PCDH15: variants seen among roughly 807,000 people sequenced by gnomAD.
PCDH15 encodes the protein protocadherin related 15, also known as protocadherin-15.
Under a neutral mutation model 178.5 loss-of-function variants are expected in PCDH15, and 129 were observed. The observed-to-expected ratio is 0.72, with a 90% CI of 0.63 to 0.84. PCDH15 has a LOEUF of 0.84. PCDH15 is among the 40% of genes least tolerant of loss of function. The pLI is 0.00. For synonymous variants in PCDH15, 800 were observed against 732.0 expected, an observed-to-expected ratio of 1.09 and a Z score of -1.50; for missense variants, 2,230 against 2,099.9, an observed-to-expected ratio of 1.06 and a Z score of -1.21.
At chr10:53,871,657 G>GT (rs2079866707) in intron 26 of PCDH15, among the ~76,000 whole-genome samples, 1 of 151,972 alleles carries the variant, frequency 6.6e-6, no homozygotes, top group African/African-American at 2.4e-5. Context: ...TCACACAATT[G>GT]TAACTCCCTT....
intron 2 of PCDH15, among the ~76,000 whole-genome samples, chr10:55,158,371 G>T (rs1332190213): frequency 6.6e-6 from 1 of 152,006 alleles, no homozygotes; most frequent in African/African-American, 2.4e-5. Flanking sequence ...AGTGGTAGGT[G>T]GGGGTGATGG....
intron 2 of PCDH15, among the ~76,000 whole-genome samples, chr10:54,925,203 C>T (rs929644000): frequency 1.3e-5 from 2 of 151,956 alleles, no homozygotes; most frequent in African/African-American, 4.8e-5. Flanking sequence ...AATAAAAAAT[C>T]CTTTCCTTGT....
At chr10:54,989,221 G>A (rs1839445354) in intron 2 of PCDH15, among the ~76,000 whole-genome samples, 1 of 152,178 alleles carries the variant, frequency 6.6e-6, no homozygotes, top group Non-Finnish European at 1.5e-5. Context: ...TGCAGGGGTG[G>A]GGCCTTCATG....
intron 1 of PCDH15, among the ~76,000 whole-genome samples, chr10:55,249,656 A>G (rs1841783316): frequency 6.6e-6 from 1 of 152,166 alleles, no homozygotes; most frequent in Non-Finnish European, 1.5e-5. Context: ...GTAAGGTGTG[A>G]CATGCAACAC....
chr10:54,586,475 G>A (rs2091475925), intron 2 of PCDH15, among the ~76,000 whole-genome samples: 1 of 152,102 alleles, frequency 6.6e-6, no homozygotes, highest in Admixed American at 6.6e-5. Context: ...GTCGATATGT[G>A]TCACCTTACT....
chr10:55,051,834 T>G (rs1841170028), intron 2 of PCDH15, among the ~76,000 whole-genome samples: 1 of 152,130 alleles, frequency 6.6e-6, no homozygotes, highest in Non-Finnish European at 1.5e-5. Context: ...ATAAGAGAAA[T>G]TTAAGCATAT....
intron 14 of PCDH15, among the ~76,000 whole-genome samples, chr10:54,143,603 T>C (rs978635158): frequency 6.6e-6 from 1 of 152,208 alleles, no homozygotes; most frequent in Non-Finnish European, 1.5e-5. Flanking sequence ...AGAGCAATAA[T>C]TGATTGCATG....
intron 2 of PCDH15, among the ~76,000 whole-genome samples, chr10:54,541,669 A>G (rs1289351965): frequency 6.7e-6 from 1 of 150,028 alleles, no homozygotes; most frequent in Non-Finnish European, 1.5e-5. Context: ...AAGGAAAAGG[A>G]TAATATTTGT....
At chr10:55,159,996 T>C (rs1257602556) in intron 2 of PCDH15, among the ~76,000 whole-genome samples, 3 of 151,920 alleles carry the variant, frequency 2.0e-5, no homozygotes, top group African/African-American at 7.2e-5. Context: ...TGGACACCTT[T>C]AGGCATCTTT....
chr10:54,326,717 A>T (rs1227630763), intron 7 of PCDH15, among the ~76,000 whole-genome samples: 1 of 152,120 alleles, frequency 6.6e-6, no homozygotes, highest in East Asian at 1.9e-4. Flanking sequence ...CTTGAACATC[A>T]TGAGGGTAGA....
chr10:54,158,480 G>A (rs929012224), intron 13 of PCDH15, among the ~76,000 whole-genome samples: 1 of 152,130 alleles, frequency 6.6e-6, no homozygotes, highest in Admixed American at 6.5e-5. Flanking sequence ...AATGAGATTT[G>A]GGTGGGGACA....
chr10:55,285,846 T>C (rs1472139733), intron 1 of PCDH15, among the ~76,000 whole-genome samples: 5 of 151,980 alleles, frequency 3.3e-5, no homozygotes, highest in Non-Finnish European at 7.4e-5. Context: ...ATGACTCTGT[T>C]TTTTATTCAA....
At chr10:55,141,597 A>C (rs191041718) in intron 2 of PCDH15, among the ~76,000 whole-genome samples, 59 of 152,230 alleles carry the variant, frequency 3.9e-4, no homozygotes, top group African/African-American at 1.3e-3. Context: ...ATTATCATTC[A>C]TCTGGAAAGT....
intron 2 of PCDH15, chr10:54,600,771 T>C (rs568754600): frequency 9.7e-5 from 45 of 462,728 alleles, no homozygotes; most frequent in African/African-American, 2.2e-4. Flanking sequence ...GATTCTCCCA[T>C]AGGGGCTCCA....
intron 3 of PCDH15, among the ~76,000 whole-genome samples, chr10:54,419,243 T>TACACACACACAC (rs146831797): frequency 0.14 from 21,086 of 150,554 alleles, 1,545 homozygotes; most frequent in Middle Eastern, 0.23. Flanking sequence ...CATATATACA[T>TACACACACACAC]ACACACACAC....
chr10:54,284,370 G>C (rs981718418), intron 8 of PCDH15, among the ~76,000 whole-genome samples: 1 of 151,358 alleles, frequency 6.6e-6, no homozygotes, highest in East Asian at 1.9e-4. Context: ...CTTCAAAATT[G>C]TCAGAACCTG....
chr10:55,021,095 T>C (rs1034542849), intron 2 of PCDH15, among the ~76,000 whole-genome samples: 2 of 152,220 alleles, frequency 1.3e-5, no homozygotes, highest in Admixed American at 6.5e-5. Flanking sequence ...CTCCCAGGTG[T>C]GTTCTTAACT....
At chr10:54,070,877 C>G (rs1283576507) in intron 17 of PCDH15, among the ~76,000 whole-genome samples, 2 of 152,070 alleles carry the variant, frequency 1.3e-5, no homozygotes, top group Non-Finnish European at 2.9e-5. Flanking sequence ...TAGGTCTGAG[C>G]CGCGATATCC....
chr10:54,180,514 C>T (rs1321751024), intron 13 of PCDH15, among the ~76,000 whole-genome samples: 1 of 152,124 alleles, frequency 6.6e-6, no homozygotes, highest in Non-Finnish European at 1.5e-5. Flanking sequence ...CTGACACTTT[C>T]AGTCTTTGAC....
Sources: allele counts gnomAD v4.1 joint callset (sites outside exome capture counted in the v4.1 genomes callset), GRCh38; gene constraint gnomAD v4.1.1; transcripts MANE v1.5; gene names NCBI Gene and HGNC (gene_info 2026-07-23, HGNC 2026-07-21).